Variants in MX2 observed in about 807,000 individuals in gnomAD.
MX2 encodes the protein interferon-induced GTP-binding protein Mx2.
MX2 carries 51 observed loss-of-function variants against 74.0 expected under a neutral mutation model. The observed-to-expected ratio is 0.69, with a 90% CI of 0.55 to 0.87. The LOEUF (loss-of-function observed/expected upper bound fraction) is 0.87. Among genes scored for constraint, MX2 ranks in the 40% least tolerant of loss-of-function variants. The pLI, the probability that MX2 is intolerant of heterozygous loss-of-function variation, is 0.00. For synonymous variants in MX2, 369 were observed against 339.3 expected, an observed-to-expected ratio of 1.09 and a Z score of -0.96; for missense variants, 832 against 908.7, an observed-to-expected ratio of 0.92 and a Z score of 1.09.
At chr21:41,379,532 C>A (rs1222945201) in intron 3 of MX2, among the ~76,000 whole-genome samples, 5 of 152,178 alleles carry the variant, frequency 3.3e-5, no homozygotes. Flanking sequence ...GGTTCCATGG[C>A]CCCTGGATGG....
At chr21:41,382,695 C>T in intron 5 of MX2, 131 bp downstream of exon 5, 1 of 1,216,510 alleles carries the variant, frequency 8.2e-7, no homozygotes, top group Non-Finnish European at 1.1e-6. Context: ...TAAGACCTGC[C>T]CAGGTGGGGG....
At chr21:41,378,300 T>A (rs945890098) in intron 3 of MX2, among the ~76,000 whole-genome samples, 1 of 93,468 alleles carries the variant, frequency 1.1e-5, no homozygotes, top group African/African-American at 1.2e-4. Context: ...GAGAGACAGA[T>A]CACTGGGAGA....
intron 1 of MX2, among the ~76,000 whole-genome samples, chr21:41,375,919 C>T (rs1193181363): frequency 1.3e-5 from 2 of 152,186 alleles, no homozygotes; most frequent in African/African-American, 2.4e-5. Context: ...CTGGCTTAGG[C>T]GTCATTGGCC....
chr21:41,395,438 A>G, intron 6 of MX2, 149 bp from the exon 7 acceptor site: 2 of 647,910 alleles, frequency 3.1e-6, no homozygotes, highest in Non-Finnish European at 5.4e-6. Context: ...AAGAGGGGCA[A>G]TGAGGGAATG....
chr21:41,376,526 T>A (rs1428379124), intron 1 of MX2, among the ~76,000 whole-genome samples: 1 of 151,878 alleles, frequency 6.6e-6, no homozygotes. Flanking sequence ...CCCCACTGGG[T>A]GACAGAGTGA....
At chr21:41,385,424 AAT>A (rs997097186) in intron 5 of MX2, among the ~76,000 whole-genome samples, 2 of 152,126 alleles carry the variant, frequency 1.3e-5, no homozygotes, top group Non-Finnish European at 2.9e-5. Flanking sequence ...CTTACTAGTG[AAT>A]ATGTCTCATG....
rs1176822433 is a variant in MX2 at position 41,368,060 on chromosome 21, T to C, written c.-72+6005T>C. 1.3e-5 allele frequency among the ~76,000 whole-genome samples: 2 copies of C among 152,174 alleles called. No individual in the cohort carries two copies. Among genetic ancestry groups the C allele is most frequent in the Non-Finnish European group, 1.5e-5 (1 of 68,032 alleles). ...TTCAAGTCAAGGTCCACAGCTCCCA[T>C]GCTCTGCATTTATACTGGGCTGCGG... On this transcript the variant is annotated intron_variant, in intron 1 of 13. Coordinates refer to ENST00000330714, the MANE Select transcript of MX2 (RefSeq NM_002463.2). This position sits in a 1 kb window ranked among gnomAD's most constrained non-coding sequence, Gnocchi z 4.6.
chr21:41,364,322 C>G (rs1442970245), intron 1 of MX2: 2 of 152,212 alleles, frequency 1.3e-5, no homozygotes, highest in Admixed American at 1.3e-4. Context: ...AACTCCCTCC[C>G]CTTTGCACTT....
At chr21:41,373,170 CAGAGCCTGGCACACAG>C (rs1400795756) in intron 1 of MX2, among the ~76,000 whole-genome samples, 2 of 152,082 alleles carry the variant, frequency 1.3e-5, no homozygotes, top group African/African-American at 4.8e-5. Context: ...GCTGGGTGTC[CAGAGCCTGGCACACAG>C]CAGGCACTCA....
At chr21:41,365,538 T>C (rs907911234) in intron 1 of MX2, 1 of 152,252 alleles carries the variant, frequency 6.6e-6, no homozygotes, top group Non-Finnish European at 1.5e-5. Context: ...GTTCCATCCA[T>C]GTTCCTGCAA....
At chr21:41,377,677 CT>C in intron 2 of MX2, 111 bp from the exon 3 acceptor site, 1 of 1,168,418 alleles carries the variant, frequency 8.6e-7, no homozygotes, top group Non-Finnish European at 1.2e-6. Flanking sequence ...TTCTCACCTC[CT>C]GTCTGCAACC....
intron 8 of MX2, among the ~76,000 whole-genome samples, chr21:41,398,506 A>T (rs2089764681): frequency 1.3e-5 from 2 of 152,240 alleles, no homozygotes; most frequent in Non-Finnish European, 2.9e-5. Context: ...TTCACAAATG[A>T]GGCCAAGCAA....
chr21:41,390,402 G>T (rs746925594), intron 5 of MX2, 163 bp from the exon 6 acceptor site: 1 of 962,640 alleles, frequency 1.0e-6, no homozygotes, highest in Admixed American at 2.0e-5. Context: ...GGGCAGGGCC[G>T]CCGGGGCAGG....
At chr21:41,373,805 T>TAAAAAAAAA (rs34254609) in intron 1 of MX2, 1 of 91,152 alleles carries the variant, frequency 1.1e-5, no homozygotes, top group African/African-American at 4.3e-5. Flanking sequence ...CTCTCAAACT[T>TAAAAAAAAA]AAAAAAAAAA....
intron 8 of MX2, among the ~76,000 whole-genome samples, chr21:41,398,089 C>T (rs1021802724): frequency 9.2e-5 from 14 of 152,192 alleles, no homozygotes; most frequent in African/African-American, 3.4e-4. Flanking sequence ...GCCAGTGGAT[C>T]ACCTGAGGTC....
At chr21:41,379,266 C>G (rs536280973) in intron 3 of MX2, among the ~76,000 whole-genome samples, 1 of 152,280 alleles carries the variant, frequency 6.6e-6, no homozygotes, top group Non-Finnish European at 1.5e-5. Context: ...GGACCCTGGG[C>G]GAGTCCCATA....
rs1198385782 is a variant in MX2, at chr21:41,402,419, G to A, written c.1573+291G>A. Among the ~76,000 whole-genome samples the A allele has an allele frequency of 3.3e-5, 5 of 152,222 alleles. No homozygotes were observed. Among genetic ancestry groups the A allele is most frequent in the Admixed American group, 6.5e-5 (1 of 15,290 alleles). ...CGTTCCATCGCTGTCCTTCAAACAC[G>A]TGGAGGAGGCGGGGAAGATGGTTTC... On this transcript the variant is annotated intron_variant, in intron 11 of 13. Coordinates refer to ENST00000330714, the MANE Select transcript of MX2 (RefSeq NM_002463.2). This position sits in a 1 kb window ranked among gnomAD's most constrained non-coding sequence, Gnocchi z 4.5.
At chr21:41,385,461 A>C (rs948621370) in intron 5 of MX2, among the ~76,000 whole-genome samples, 2 of 152,214 alleles carry the variant, frequency 1.3e-5, no homozygotes, top group Admixed American at 6.5e-5. Context: ...TATGAAGGGC[A>C]GTTCCCCTGC....
At chr21:41,386,902 TA>T (rs2089586050) in intron 5 of MX2, among the ~76,000 whole-genome samples, 1 of 152,158 alleles carries the variant, frequency 6.6e-6, no homozygotes, top group Admixed American at 6.5e-5. Flanking sequence ...GTTGGGCCAG[TA>T]AAGCCCCTTC....
Sources: allele counts gnomAD v4.1 joint callset (sites outside exome capture counted in the v4.1 genomes callset), GRCh38; gene constraint gnomAD v4.1.1; non-coding constraint Gnocchi (gnomAD v3.1); transcripts MANE v1.5; gene names NCBI Gene and HGNC (gene_info 2026-07-23, HGNC 2026-07-21).